The following CACNA1A variants were observed in gnomAD, a reference collection of about 807,000 sequenced individuals.
CACNA1A encodes the protein voltage-dependent P/Q-type calcium channel subunit alpha-1A.
In CACNA1A, 57 loss-of-function variants were observed where a neutral mutation model predicts 262.4. The ratio of observed to expected loss-of-function variants is 0.22; its 90% CI spans 0.18 to 0.27. The LOEUF (loss-of-function observed/expected upper bound fraction) is 0.27, where lower values mean the gene tolerates loss of function less well. Among genes scored for constraint, CACNA1A ranks in the 10% least tolerant of loss-of-function variants. CACNA1A has a pLI of 1.00. For missense variants in CACNA1A, 2,526 were observed against 3,562.8 expected, an observed-to-expected ratio of 0.71 and a Z score of 7.41; for synonymous variants, 1,431 against 1,419.3, an observed-to-expected ratio of 1.01 and a Z score of -0.18.
rs534106481 is a variant in CACNA1A at position 13,227,540 on chromosome 19, A to G, written c.5529-13T>C. ...AGGCATGCGGCCCCTGGCAGCACCG[A>G]AAATGAAAAAAACAAAAACAAAAAC... On this transcript the variant is annotated splice_polypyrimidine_tract_variant and intron_variant, in intron 36 of 46. Coordinates refer to ENST00000360228, the MANE Select transcript of CACNA1A (RefSeq NM_001127222.2). 2 of 1,517,934 alleles carry G rather than the reference A, an allele frequency of 1.3e-6. No individual in the cohort carries two copies. The highest frequency in any genetic ancestry group is 1.2e-5 in the South Asian group (1 of 80,754). The allele number at this position is 1,517,934 out of a possible 1,614,324, so 94.0% of individuals were successfully genotyped here.
At chr19:13,444,273 C>T (rs1014372602) in intron 3 of CACNA1A, among the ~76,000 whole-genome samples, 2 of 152,130 alleles carry the variant, frequency 1.3e-5, no homozygotes, top group Non-Finnish European at 2.9e-5. Context: ...TGCAGAGAGA[C>T]ATTAAAATAA....
intron 38 of CACNA1A, among the ~76,000 whole-genome samples, chr19:13,220,419 T>C (rs924002141): frequency 1.3e-5 from 2 of 152,166 alleles, no homozygotes; most frequent in African/African-American, 4.8e-5. Flanking sequence ...GAGGATTACA[T>C]GCACTTCCAG....
chr19:13,279,616 C>A (rs1440158097), intron 22 of CACNA1A, among the ~76,000 whole-genome samples: 3 of 151,940 alleles, frequency 2.0e-5, no homozygotes, highest in Non-Finnish European at 2.9e-5. Context: ...CTCCAAGTGT[C>A]TGGGATTACA....
chr19:13,356,040 G>T (rs1369456839), intron 6 of CACNA1A, among the ~76,000 whole-genome samples: 1 of 152,176 alleles, frequency 6.6e-6, no homozygotes, highest in South Asian at 2.1e-4. Flanking sequence ...ACCAAAGGAC[G>T]AGGGTGGGAT....
intron 3 of CACNA1A, among the ~76,000 whole-genome samples, chr19:13,430,623 A>G (rs2144827066): frequency 6.6e-6 from 1 of 152,294 alleles, no homozygotes; most frequent in Non-Finnish European, 1.5e-5. Context: ...CATATTACAA[A>G]TTATTTAGTG....
rs558069289 is a variant in CACNA1A at position 13,434,120 on chromosome 19, G to A, written c.539+18756C>T. On this transcript the variant is annotated intron_variant, in intron 3 of 46. Transcript: ENST00000360228. The stretch of plus-strand genomic sequence containing the variant: ...CTGCAAAGCCCTAAGGGCACAGCCT[G>A]GCCACACACATGTTATATCTGTGTT... 3.2e-3 allele frequency among the ~76,000 whole-genome samples: 489 copies of A among 152,240 alleles called. 3 individuals carry two copies. The highest frequency in any genetic ancestry group is 0.011 in the African/African-American group (453 of 41,554).
At position 13,210,606 on chromosome 19, in the gene CACNA1A, G is replaced by A. The variant is rs190260468; in HGVS notation, c.6339+11C>T. 5.4e-5 allele frequency: 84 copies of A among 1,560,612 alleles called. 1 individual carries two copies. In the Admixed American group the frequency reaches 7.4e-4, roughly 14 times the overall value. On this transcript the variant is annotated intron_variant, in intron 44 of 46. Transcript: ENST00000360228. ...GAGCCCTGCTGGGCGCTGGGCAGGC[G>A]CGGTACATACACTGAGGTTATTCCC...
At chr19:13,344,955 C>T (rs926482618) in intron 6 of CACNA1A, among the ~76,000 whole-genome samples, 2 of 151,996 alleles carry the variant, frequency 1.3e-5, no homozygotes, top group Middle Eastern at 3.4e-3. Flanking sequence ...GATGGGGTTT[C>T]GCCATGTTGG....
Position 13,207,200 on chromosome 19 carries a change from TGGCCCTCTCCCG to T in CACNA1A, c.*101_*112del. The T allele has an allele frequency of 1.7e-6, 2 of 1,165,402 alleles. No homozygotes were observed. The highest frequency in any genetic ancestry group is 2.3e-6 in the Non-Finnish European group (2 of 880,790). 72.2% of individuals were successfully genotyped at this position (1,165,402 alleles called of 1,614,324 possible). A position where few individuals can be genotyped will look rare whatever the true frequency, so the allele number is the denominator to read the frequency against. ...TCTCCAGAGTCTGGGGTCTCCCGGCTGGCCCTCTCCCGGGCCCTCTGTGCTGGGCCCCCGCGG... is the reference window on the plus strand; with the variant it reads ...TCTCCAGAGTCTGGGGTCTCCCGGCTGGCCCTCTGTGCTGGGCCCCCGCGG... On this transcript the variant is annotated 3_prime_UTR_variant, in exon 47 of 47. Transcript: ENST00000360228. This position sits in a 1 kb window ranked among gnomAD's most constrained non-coding sequence, Gnocchi z 5.7.
intron 1 of CACNA1A, among the ~76,000 whole-genome samples, chr19:13,482,848 TTGTGTGTGTG>T (rs34754803): frequency 0.01 from 1,407 of 134,010 alleles, 11 homozygotes; most frequent in East Asian, 0.052. Context: ...TTCTCTCAAC[TTGTGTGTGTG>T]TGTGTGTGTG....
chr19:13,334,858 GC>G (rs978939683), intron 7 of CACNA1A, among the ~76,000 whole-genome samples: 5 of 151,710 alleles, frequency 3.3e-5, no homozygotes, highest in African/African-American at 1.2e-4. Context: ...AACACAGTGG[GC>G]CCCATCTCTA....
At chr19:13,313,107 C>T (rs2058064159) in intron 11 of CACNA1A, among the ~76,000 whole-genome samples, 1 of 152,066 alleles carries the variant, frequency 6.6e-6, no homozygotes, top group Non-Finnish European at 1.5e-5. Context: ...GTGATCCTCC[C>T]AGCACAGCCT....
chr19:13,269,895 G>A (rs1426415460), intron 24 of CACNA1A, among the ~76,000 whole-genome samples: 1 of 152,140 alleles, frequency 6.6e-6, no homozygotes, highest in Non-Finnish European at 1.5e-5. Context: ...CGGAGACGAG[G>A]CCACAATCAC....
At chr19:13,240,551 G>C (rs2056042231) in intron 31 of CACNA1A, among the ~76,000 whole-genome samples, 1 of 149,700 alleles carries the variant, frequency 6.7e-6, no homozygotes. Context: ...GGTGTGTGCA[G>C]TGTGTGCATA....
In CACNA1A at chr19:13,314,849, G is replaced by A. The variant is rs550409593; in HGVS notation, c.1556-2068C>T. Among the ~76,000 whole-genome samples, 355 of 152,250 alleles carry A rather than the reference G, an allele frequency of 2.3e-3. 1 individual carries two copies. Among genetic ancestry groups the A allele is most frequent in the African/African-American group, 7.0e-3 (292 of 41,542 alleles). On this transcript the variant is annotated intron_variant, in intron 11 of 46. Coordinates refer to ENST00000360228, the MANE Select transcript of CACNA1A (RefSeq NM_001127222.2). ...TATAGGACGCTAAGGAGATCTTAGT[G>A]TCTGAGGGGAACTCTAGGGTTCCTA...
At chr19:13,497,735 T>C (rs894165250) in intron 1 of CACNA1A, among the ~76,000 whole-genome samples, 7 of 150,194 alleles carry the variant, frequency 4.7e-5, no homozygotes, top group African/African-American at 1.7e-4. Context: ...AGAGTGAGAC[T>C]CTGACTCAAA....
At chr19:13,331,145 C>T (rs1439610178) in intron 9 of CACNA1A, among the ~76,000 whole-genome samples, 1 of 152,106 alleles carries the variant, frequency 6.6e-6, no homozygotes, top group Non-Finnish European at 1.5e-5. Context: ...TAATAAAATT[C>T]ATTTTATAAC....
intron 30 of CACNA1A, among the ~76,000 whole-genome samples, chr19:13,247,520 C>A (rs1479520072): frequency 1.3e-5 from 2 of 152,012 alleles, no homozygotes; most frequent in Non-Finnish European, 2.9e-5. Context: ...GGTGAATCCC[C>A]ATCTCTACTA....
rs1485716430 is a variant in CACNA1A, at chr19:13,212,662, G to C, written c.6019C>G (p.Pro2007Ala). The change falls in exon 41 of 47, where the codon CCC (proline) becomes GCC (alanine). Residue 2007 changes from proline (P) to alanine (A), a missense_variant. Around this residue, in one of 17 missense-constraint regions of CACNA1A, gnomAD observed 929 missense variants for 868.1 expected, o/e 1.07. Coordinates refer to ENST00000360228, the MANE Select transcript of CACNA1A (RefSeq NM_001127222.2). The surrounding 1 kb of genome is among the most constrained non-coding windows in gnomAD (Gnocchi z 5.6). ...CCTCCTGGGTCCAGCTGGGTGGAGG[G>C]GAGGGCGTTCTGGCCAGGTCCCCCT... is the stretch of plus-strand genomic sequence containing the variant. Reference protein sequence around the residue: ...QEGGPGQNALPSTQLDPGGAL... With the variant: ...QEGGPGQNALASTQLDPGGAL... 3 of 1,516,202 alleles carry C rather than the reference G, an allele frequency of 2.0e-6. No homozygotes were observed. The highest frequency in any genetic ancestry group is 2.7e-6 in the Non-Finnish European group (3 of 1,131,596). 93.9% of individuals were successfully genotyped at this position (1,516,202 alleles called of 1,614,324 possible).
Sources: gnomAD v4.1 joint callset for allele counts (sites outside exome capture counted in the v4.1 genomes callset) on GRCh38, gnomAD v4.1.1 for gene constraint, gnomAD v4.1.1 regional missense constraint, Gnocchi (gnomAD v3.1) non-coding constraint, MANE v1.5 for transcripts, NCBI Gene and HGNC (gene_info 2026-07-23, HGNC 2026-07-21) for gene names.